The following AKAP19 variants were observed in gnomAD, a reference collection of about 807,000 sequenced individuals.
AKAP19 encodes the protein small A-kinase anchoring protein.
At chr2:189,904,792 C>T in the AKAP19 span, among the ~76,000 whole-genome samples, 3 of 151,958 alleles carry the variant, frequency 2.0e-5, no homozygotes, top group Non-Finnish European at 4.4e-5. Context: ...TATGTTCAAA[C>T]TCTGCCCTTG....
At chr2:190,060,163 G>C in the AKAP19 span, 1 of 1,612,964 alleles carries the variant, frequency 6.2e-7, no homozygotes. Context: ...GGTTGTTTGA[G>C]CCAATTTTGC....
chr2:190,183,192 T>G, the AKAP19 span, among the ~76,000 whole-genome samples: 1 of 152,168 alleles, frequency 6.6e-6, no homozygotes, highest in Non-Finnish European at 1.5e-5. Context: ...TCAGTATCAA[T>G]AAAATGAGGT....
At chr2:189,927,332 T>A in the AKAP19 span, among the ~76,000 whole-genome samples, 37 of 152,182 alleles carry the variant, frequency 2.4e-4, no homozygotes, top group Non-Finnish European at 4.4e-4. Flanking sequence ...GGTCAGAGAG[T>A]GAATAGTTTA....
the AKAP19 span, among the ~76,000 whole-genome samples, chr2:190,157,934 A>AGGCAGCCC: frequency 6.6e-6 from 1 of 152,276 alleles, no homozygotes; most frequent in Non-Finnish European, 1.5e-5. Context: ...AATCAAAGAC[A>AGGCAGCCC]GGCAGCCCGG....
chr2:189,943,150 C>CT, the AKAP19 span, among the ~76,000 whole-genome samples: 1 of 152,322 alleles, frequency 6.6e-6, no homozygotes, highest in East Asian at 1.9e-4. Flanking sequence ...CAGAGACCTT[C>CT]ACAGCAGCCC....
chr2:190,189,494 AC>A, the AKAP19 span, among the ~76,000 whole-genome samples: 1 of 152,198 alleles, frequency 6.6e-6, no homozygotes, highest in African/African-American at 2.4e-5. Flanking sequence ...TAACTGAAGA[AC>A]AGTTGTTTTC....
At chr2:189,959,118 A>G in the AKAP19 span, among the ~76,000 whole-genome samples, 1 of 152,068 alleles carries the variant, frequency 6.6e-6, no homozygotes, top group African/African-American at 2.4e-5. Flanking sequence ...ATTTTTTGTT[A>G]TTCATATGTT....
chr2:190,112,413 T>A, the AKAP19 span, among the ~76,000 whole-genome samples: 52 of 152,292 alleles, frequency 3.4e-4, no homozygotes, highest in African/African-American at 1.2e-3. Flanking sequence ...GGCTTGTCTT[T>A]TGTTGGCCAG....
chr2:190,057,224 T>A, the AKAP19 span: 1 of 1,611,316 alleles, frequency 6.2e-7, no homozygotes, highest in Non-Finnish European at 8.5e-7. Flanking sequence ...AAACCTTCCA[T>A]GTTTTAGGAA....
At chr2:189,923,216 C>A in the AKAP19 span, 9 of 990,378 alleles carry the variant, frequency 9.1e-6, no homozygotes, top group Non-Finnish European at 1.4e-5. Context: ...GCCGCGTTGC[C>A]GACCTCCAGC....
the AKAP19 span, among the ~76,000 whole-genome samples, chr2:189,958,656 G>A: frequency 1.3e-5 from 2 of 150,936 alleles, no homozygotes; most frequent in South Asian, 2.1e-4. Context: ...TGTGCAAAAT[G>A]GTTGTAGTAG....
At chr2:189,985,035 G>C in the AKAP19 span, among the ~76,000 whole-genome samples, 7 of 152,194 alleles carry the variant, frequency 4.6e-5, no homozygotes, top group Non-Finnish European at 8.8e-5. Context: ...TGTTGTCCTG[G>C]GTCATGAAGG....
At chr2:190,060,292 T>C in the AKAP19 span, 1 of 1,613,134 alleles carries the variant, frequency 6.2e-7, no homozygotes, top group Admixed American at 1.7e-5. Flanking sequence ...AGTCTCAGGA[T>C]TTGCACAAAC....
At chr2:189,944,517 G>A in the AKAP19 span, among the ~76,000 whole-genome samples, 1 of 151,946 alleles carries the variant, frequency 6.6e-6, no homozygotes, top group Non-Finnish European at 1.5e-5. Context: ...AGCAGTGCAA[G>A]AACAGCCTAA....
chr2:190,029,746 C>G, the AKAP19 span, among the ~76,000 whole-genome samples: 7,365 of 152,194 alleles, frequency 0.048, 280 homozygotes, highest in Non-Finnish European at 0.074. Context: ...ACTTTATTTA[C>G]AGAAACAGGC....
the AKAP19 span, among the ~76,000 whole-genome samples, chr2:190,195,182 A>T: frequency 3.9e-5 from 6 of 152,106 alleles, no homozygotes; most frequent in African/African-American, 1.4e-4. Context: ...TTAATGCTGA[A>T]TATGTTCCAT....
the AKAP19 span, among the ~76,000 whole-genome samples, chr2:190,038,042 C>T: frequency 2.0e-5 from 3 of 152,094 alleles, no homozygotes; most frequent in Non-Finnish European, 4.4e-5. Context: ...ATGTGGCCCT[C>T]ACAGGTTTCA....
At chr2:190,059,868 G>C in the AKAP19 span, among the ~76,000 whole-genome samples, 2 of 151,936 alleles carry the variant, frequency 1.3e-5, no homozygotes, top group African/African-American at 4.8e-5. Context: ...TGCAAAGTAA[G>C]AGTATCAAGG....
chr2:190,009,848 G>A, the AKAP19 span, among the ~76,000 whole-genome samples: 2 of 151,630 alleles, frequency 1.3e-5, no homozygotes, highest in African/African-American at 4.8e-5. Flanking sequence ...AAAAAGGCCT[G>A]AGACATAATG....
Sources: gnomAD v4.1 joint callset for allele counts (sites outside exome capture counted in the v4.1 genomes callset) on GRCh38, gnomAD v4.1.1 for gene constraint, MANE v1.5 for transcripts, NCBI Gene and HGNC (gene_info 2026-07-23, HGNC 2026-07-21) for gene names.